SCOC: variants seen among roughly 807,000 people sequenced by gnomAD.
SCOC encodes short coiled-coil protein.
SCOC carries 7 observed loss-of-function variants against 9.9 expected under a neutral mutation model. The observed-to-expected ratio is 0.71, with a 90% confidence interval of 0.40 to 1.33. The LOEUF (loss-of-function observed/expected upper bound fraction) is 1.33, where lower values mean the gene tolerates loss of function less well. SCOC is among the 40% of genes most tolerant of loss of function. The pLI, the probability that SCOC is intolerant of heterozygous loss-of-function variation, is 0.01. For missense variants in SCOC, 66 were observed against 89.7 expected, an observed-to-expected ratio of 0.74 and a Z score of 1.07; for synonymous variants, 19 against 28.2, an observed-to-expected ratio of 0.67 and a Z score of 1.03.
chr4:140,356,508 TCTC>T (rs1035060123), intron 2 of SCOC, among the ~76,000 whole-genome samples: 1 of 152,218 alleles, frequency 6.6e-6, no homozygotes, highest in African/African-American at 2.4e-5. Flanking sequence ...GTCACCTTCA[TCTC>T]CTTCAATCTG....
At chr4:140,366,179 CTTTCTTTTT>C (rs200330882) in intron 2 of SCOC, 39,165 of 567,832 alleles carry the variant, frequency 0.069, 69 homozygotes, top group East Asian at 0.084. Context: ...CCTTTTCTTT[CTTTCTTTTT>C]TTTTTTTTTT....
intron 1 of SCOC, among the ~76,000 whole-genome samples, chr4:140,317,569 G>T (rs1169911895): frequency 1.3e-5 from 2 of 150,972 alleles, no homozygotes; most frequent in Non-Finnish European, 1.5e-5. Context: ...CTCACTGGGG[G>T]AGCTCAGTTT....
intron 1 of SCOC, among the ~76,000 whole-genome samples, chr4:140,289,236 G>A (rs533515319): frequency 2.6e-5 from 4 of 152,226 alleles, no homozygotes; most frequent in Non-Finnish European, 5.9e-5. Context: ...ACTCCTGCTT[G>A]TACTTTTCCC....
chr4:140,282,640 G>T (rs1731128266), intron 1 of SCOC, among the ~76,000 whole-genome samples: 2 of 152,198 alleles, frequency 1.3e-5, no homozygotes. Flanking sequence ...CACTATAGGG[G>T]GGCGATGCTC....
chr4:140,362,273 C>CTCTTCTTCTTCTTCTTCTTCTTCTTCTT, intron 2 of SCOC, among the ~76,000 whole-genome samples: 5 of 29,076 alleles, frequency 1.7e-4, no homozygotes, highest in Admixed American at 6.7e-4. Flanking sequence ...ACAGGTGTGT[C>CTCTTCTTCTTCTTCTTCTTCTTCTTCTT]CTTACTTCTT....
At chr4:140,355,959 C>T (rs1188467643) in intron 2 of SCOC, among the ~76,000 whole-genome samples, 1 of 151,830 alleles carries the variant, frequency 6.6e-6, no homozygotes, top group Non-Finnish European at 1.5e-5. Flanking sequence ...GGTATTAATC[C>T]TAACATGGGT....
intron 1 of SCOC, among the ~76,000 whole-genome samples, chr4:140,290,536 G>A (rs1463410887): frequency 1.3e-5 from 2 of 152,224 alleles, no homozygotes; most frequent in African/African-American, 2.4e-5. Flanking sequence ...GATTGAGTAG[G>A]GCGCAGTGGC....
At chr4:140,269,426 C>G (rs1322219891) in intron 1 of SCOC, among the ~76,000 whole-genome samples, 1 of 152,080 alleles carries the variant, frequency 6.6e-6, no homozygotes, top group African/African-American at 2.4e-5. Flanking sequence ...TACGCTGAAG[C>G]CACTACATTG....
intron 2 of SCOC, among the ~76,000 whole-genome samples, chr4:140,359,856 G>T (rs1467887705): frequency 6.6e-6 from 1 of 152,164 alleles, no homozygotes; most frequent in Non-Finnish European, 1.5e-5. Context: ...AATAGTGAGG[G>T]ATAGGACAGC....
intron 1 of SCOC, among the ~76,000 whole-genome samples, chr4:140,265,114 G>A (rs1194990457): frequency 6.6e-6 from 1 of 152,152 alleles, no homozygotes; most frequent in Non-Finnish European, 1.5e-5. Flanking sequence ...TTCTTGAAAT[G>A]TATGAGGATG....
chr4:140,287,628 G>A (rs2126427718), intron 1 of SCOC, among the ~76,000 whole-genome samples: 1 of 152,052 alleles, frequency 6.6e-6, no homozygotes, highest in East Asian at 1.9e-4. Flanking sequence ...ACATGCATAT[G>A]CACATGCCAC....
At chr4:140,309,604 A>G (rs78475098) in intron 1 of SCOC, among the ~76,000 whole-genome samples, 12,062 of 152,280 alleles carry the variant, frequency 0.079, 561 homozygotes, top group African/African-American at 0.13. Context: ...GAAAGATTCA[A>G]ATAGATATAT....
chr4:140,287,293 GCACACA>G (rs1193438352), intron 1 of SCOC, among the ~76,000 whole-genome samples: 1 of 137,156 alleles, frequency 7.3e-6, no homozygotes, highest in African/African-American at 3.5e-5. Context: ...CACAGACCAT[GCACACA>G]TAGATACCAT....
Position 140,373,785 on chromosome 4 carries a change from G to A in SCOC, c.-51+68G>A, listed in dbSNP as rs1280014659. 6 of 1,447,072 alleles carry A rather than the reference G, an allele frequency of 4.1e-6. No homozygotes were observed. The East Asian group carries it at 9.9e-5, about 24-fold the overall frequency. 89.6% of individuals were successfully genotyped at this position (1,447,072 alleles called of 1,614,324 possible). On this transcript the variant is annotated intron_variant, in intron 1 of 3. Coordinates refer to ENST00000608372, the MANE Select transcript of SCOC (RefSeq NM_001153484.2). ...CTAGAGCTGCATCCTCAGTACCTCC[G>A]AGGGCCTGGAGGGCGGGGCGGGCTG...
intron 1 of SCOC, among the ~76,000 whole-genome samples, chr4:140,325,521 G>A (rs1732619742): frequency 6.6e-6 from 1 of 152,012 alleles, no homozygotes. Flanking sequence ...TCTTACAAAC[G>A]GGCAAAATAT....
intron 1 of SCOC, among the ~76,000 whole-genome samples, chr4:140,314,992 A>G (rs1269756374): frequency 6.6e-6 from 1 of 152,208 alleles, no homozygotes. Flanking sequence ...TGAACCCAAA[A>G]GAATCTAACA....
At chr4:140,310,974 G>C (rs530668088) in intron 1 of SCOC, among the ~76,000 whole-genome samples, 1 of 152,356 alleles carries the variant, frequency 6.6e-6, no homozygotes, top group East Asian at 1.9e-4. Flanking sequence ...CCTTCCTTGA[G>C]TGAGATGTAC....
upstream of SCOC, among the ~76,000 whole-genome samples, chr4:140,340,283 C>T (rs1473398115): frequency 6.6e-6 from 1 of 151,786 alleles, no homozygotes; most frequent in Non-Finnish European, 1.5e-5. Flanking sequence ...GGCAACATCA[C>T]ACACCAGGGC....
rs1185060662 is a variant in SCOC at position 140,382,086 on chromosome 4, G to C, written c.*982G>C. 1 of 152,086 alleles carries C rather than the reference G, an allele frequency of 6.6e-6. No individual in the cohort carries two copies. The highest frequency in any genetic ancestry group is 1.5e-5 in the Non-Finnish European group (1 of 68,008). The allele number at this position is 152,086 out of a possible 1,614,324, so 9.4% of individuals were successfully genotyped here. A position where few individuals can be genotyped will look rare whatever the true frequency, so the allele number is the denominator to read the frequency against. ...GTCTCTAAGTTGATTTGTACCCAGT[G>C]GGTCAACTTCTGCAAAATTCCGTAA... On this transcript the variant is annotated 3_prime_UTR_variant, in exon 4 of 4. Transcript: ENST00000608372.
Sources: allele counts gnomAD v4.1 joint callset (sites outside exome capture counted in the v4.1 genomes callset), GRCh38; gene constraint gnomAD v4.1.1; transcripts MANE v1.5; gene names NCBI Gene and HGNC (gene_info 2026-07-23, HGNC 2026-07-21).